The following MANEAL variants were observed in gnomAD, a reference collection of about 807,000 sequenced individuals.
The protein encoded by MANEAL is mannosidase endo-alpha like.
MANEAL carries 28 observed loss-of-function variants against 35.9 expected under a neutral mutation model. The observed-to-expected ratio is 0.78, with a 90% confidence interval of 0.58 to 1.07. The LOEUF (loss-of-function observed/expected upper bound fraction) is 1.07, where lower values mean the gene tolerates loss of function less well. Among genes scored for constraint, MANEAL ranks in the 50% least tolerant of loss-of-function variants. MANEAL has a pLI of 0.00. For missense variants in MANEAL, 576 were observed against 629.6 expected (o/e 0.91, Z 0.91); for synonymous variants, 286 against 272.2 (o/e 1.05, Z -0.50).
In MANEAL at chr1:37,795,705, G is replaced by A. The variant is rs780519004; in HGVS notation, c.551-32G>A. 3 of 1,613,796 alleles carry A rather than the reference G, an allele frequency of 1.9e-6. No homozygotes were observed. The East Asian group carries it at 6.7e-5, about 36-fold the overall frequency. On this transcript the variant is annotated intron_variant, in intron 1 of 3. Coordinates refer to ENST00000373045, the MANE Select transcript of MANEAL (RefSeq NM_001113482.2). ...ATCTCTGTTGAGGGGGGTACTGTGT[G>A]TCTCTGAAGTGGCCTCTGTGTTGCG...
Position 37,794,538 on chromosome 1 carries a change from AG to A in MANEAL, c.359del (p.Gly120AlafsTer56), listed in dbSNP as rs1380588711. ...YYSWYGSPRR[E>X]GHYIHWDHVM... Reference sequence around the variant, plus strand: ...TCGTGGTACGGGAGCCCGCGGCGCGAGGGCCACTACATTCACTGGGACCACG... The same window carrying A: ...TCGTGGTACGGGAGCCCGCGGCGCGAGGCCACTACATTCACTGGGACCACG... On this transcript the variant is annotated frameshift_variant, in exon 1 of 4. Coordinates refer to ENST00000373045, the MANE Select transcript of MANEAL (RefSeq NM_001113482.2). LOFTEE classifies it high-confidence loss of function. The surrounding 1 kb of genome is among the most constrained non-coding windows in gnomAD (Gnocchi z 5.7). The A allele has an allele frequency of 6.2e-7, 1 of 1,611,532 alleles. No homozygotes were observed. The highest frequency in any genetic ancestry group is 8.5e-7 in the Non-Finnish European group (1 of 1,179,574).
At chr1:37,795,220 TGTTGGGG>T (rs1646635156) in intron 1 of MANEAL, among the ~76,000 whole-genome samples, 1 of 151,994 alleles carries the variant, frequency 6.6e-6, no homozygotes, top group Non-Finnish European at 1.5e-5. Context: ...TTGGAGGTAG[TGTTGGGG>T]GTTTAGAGGC....
chr1:37,794,220 T>A lies in MANEAL; in HGVS notation c.38T>A (p.Phe13Tyr). 1 of 1,324,230 alleles carries A rather than the reference T, an allele frequency of 7.6e-7. No individual in the cohort carries two copies. The highest frequency in any genetic ancestry group is 1.5e-5 in the South Asian group (1 of 67,930). 82.0% of individuals were successfully genotyped at this position (1,324,230 alleles called of 1,614,324 possible). ...CGGCGCCGCGCCTGCATCGCTCTGT[T>A]CCTGGTGCTGCTCTTCGCCTTCGGC... ...RRRRRACIAL[F>Y]LVLLFAFGTL... The change falls in exon 1 of 4, where the codon TTC becomes TAC. Residue 13 changes from phenylalanine to tyrosine, a missense_variant. Physicochemically the swap from Phe to Tyr is conservative, Grantham distance 22. Coordinates refer to ENST00000373045, the MANE Select transcript of MANEAL (RefSeq NM_001113482.2). The surrounding 1 kb of genome is among the most constrained non-coding windows in gnomAD (Gnocchi z 5.7).
In MANEAL at chr1:37,794,500, C is replaced by T. The variant is rs373708930; in HGVS notation, c.318C>T (p.His106=). ...GCCTGCGCGTCTACTCGGACCTGCA[C>T]GCCTTCTACTACTCGTGGTACGGGA... ...VQSLRVYSDL[H]AFYYSWYGSP... The change falls in exon 1 of 4, where the codon CAC becomes CAT. Residue 106 remains histidine, a synonymous_variant. Coordinates refer to ENST00000373045, the MANE Select transcript of MANEAL (RefSeq NM_001113482.2). The surrounding 1 kb of genome is among the most constrained non-coding windows in gnomAD (Gnocchi z 5.7). The T allele has an allele frequency of 1.9e-6, 3 of 1,608,024 alleles. No homozygotes were observed. The highest frequency in any genetic ancestry group is 1.3e-5 in the African/African-American group (1 of 74,842).
intron 1 of MANEAL, among the ~76,000 whole-genome samples, chr1:37,795,028 G>A (rs1400663429): frequency 1.3e-5 from 2 of 152,198 alleles, no homozygotes; most frequent in Non-Finnish European, 2.9e-5. Context: ...CAAATTTGTT[G>A]GGCGATGGGA....
In MANEAL at chr1:37,800,389, G is replaced by A. The variant is rs912011425; in HGVS notation, c.*186G>A. 8 of 683,718 alleles carry A rather than the reference G, an allele frequency of 1.2e-5. No individual in the cohort carries two copies. The highest frequency in any genetic ancestry group is 9.0e-5 in the African/African-American group (5 of 55,382). 42.4% of individuals were successfully genotyped at this position (683,718 alleles called of 1,614,324 possible). A position where few individuals can be genotyped will look rare whatever the true frequency, so the allele number is the denominator to read the frequency against. On this transcript the variant is annotated 3_prime_UTR_variant, in exon 4 of 4. Transcript: ENST00000373045. ...AGAGCCCGTTCCTCAGGCGAGTGGT[G>A]CTGAGGTGCTCTGTGGTGATGGGAA...
chr1:37,795,389 A>G, intron 1 of MANEAL: 3 of 585,158 alleles, frequency 5.1e-6, no homozygotes, highest in South Asian at 8.3e-5. Flanking sequence ...GCGGGACGTT[A>G]GGGTTAGGGG....
chr1:37,793,960 C>T lies in MANEAL; in HGVS notation c.-223C>T. 5.9e-6 allele frequency: 1 copy of T among 169,814 alleles called. No homozygotes were observed. 10.5% of individuals were successfully genotyped at this position (169,814 alleles called of 1,614,324 possible). On this transcript the variant is annotated 5_prime_UTR_variant, in exon 1 of 4. Transcript: ENST00000373045. ...GAAACTCGCCGTTCGCTGGGCCTTG[C>T]GTTGCACTCGGCGTGCAGTTCCCCC...
Position 37,794,009 on chromosome 1 carries a change from C to T in MANEAL, c.-174C>T, listed in dbSNP as rs1425048137. ...CCTCGGCTCGCGGCCACTTGGTCCG[C>T]GCCGCCTGCGTCCTGTGTGCCGAGC... is the stretch of plus-strand genomic sequence containing the variant. On this transcript the variant is annotated 5_prime_UTR_variant, in exon 1 of 4. Transcript: ENST00000373045. This position sits in a 1 kb window ranked among gnomAD's most constrained non-coding sequence, Gnocchi z 5.7. The T allele has an allele frequency of 8.8e-6, 2 of 226,828 alleles. No individual in the cohort carries two copies. The highest frequency in any genetic ancestry group is 1.5e-5 in the Non-Finnish European group (2 of 130,918). 14.1% of individuals were successfully genotyped at this position (226,828 alleles called of 1,614,324 possible). A position where few individuals can be genotyped will look rare whatever the true frequency, so the allele number is the denominator to read the frequency against.
In MANEAL at chr1:37,794,491, G is replaced by C; in HGVS notation, c.309G>C (p.Ser103=). 6.2e-7 allele frequency: 1 copy of C among 1,604,442 alleles called. No individual in the cohort carries two copies. The highest frequency in any genetic ancestry group is 8.5e-7 in the Non-Finnish European group (1 of 1,176,730). ...PAPVQSLRVY[S]DLHAFYYSWY... is the part of the protein sequence containing the mutation. Reference sequence around the variant, plus strand: ...CCGTGCAGAGCCTGCGCGTCTACTCGGACCTGCACGCCTTCTACTACTCGT... The same window carrying C: ...CCGTGCAGAGCCTGCGCGTCTACTCCGACCTGCACGCCTTCTACTACTCGT... The change falls in exon 1 of 4, where the codon TCG becomes TCC. Residue 103 remains serine, a synonymous_variant. Transcript: ENST00000373045. This position sits in a 1 kb window ranked among gnomAD's most constrained non-coding sequence, Gnocchi z 5.7.
chr1:37,795,885 T>C (rs749171330), intron 2 of MANEAL, 39 bp downstream of exon 2: 4 of 1,568,648 alleles, frequency 2.5e-6, no homozygotes. Flanking sequence ...CTCTGCCCTA[T>C]TCTGGAGAGT....
chr1:37,794,300 C>T lies in MANEAL; in HGVS notation c.118C>T (p.Pro40Ser), dbSNP rs554207874. Reference sequence around the variant, plus strand: ...TCCGGACGGACTCCCGGCGCTGGGCCCGGGCCTGGAGCTGGCGCCCTTTGA... The same window carrying T: ...TCCGGACGGACTCCCGGCGCTGGGCTCGGGCCTGGAGCTGGCGCCCTTTGA... ...KAPDGLPALG[P>S]GLELAPFERR... is the part of the protein sequence containing the mutation. The change falls in exon 1 of 4, where the codon CCG becomes TCG. Residue 40 changes from proline (P) to serine (S), a missense_variant. Pro to Ser is a moderately conservative substitution (Grantham distance 74). Coordinates refer to ENST00000373045, the MANE Select transcript of MANEAL (RefSeq NM_001113482.2). The surrounding 1 kb of genome is among the most constrained non-coding windows in gnomAD (Gnocchi z 5.7). 2,269 of 1,212,326 alleles carry T rather than the reference C, an allele frequency of 1.9e-3. 46 individuals are homozygous for T. In the African/African-American group the frequency reaches 0.034, roughly 18 times the overall value. 75.1% of individuals were successfully genotyped at this position (1,212,326 alleles called of 1,614,324 possible).
Position 37,799,867 on chromosome 1 carries a change from T to C in MANEAL, c.1038T>C (p.Phe346=). Residue 346 remains phenylalanine (F), a synonymous_variant, in exon 4 of 4, where the codon TTT becomes TTC. Coordinates refer to ENST00000373045, the MANE Select transcript of MANEAL (RefSeq NM_001113482.2). The surrounding 1 kb of genome is among the most constrained non-coding windows in gnomAD (Gnocchi z 4.1). ...AGAACTGGAAAGCTGTGAAGAACTT[T>C]TGTGATGCCAACAACCTCATGTTCA... ...SHQNWKAVKN[F]CDANNLMFIP... is the part of the protein sequence containing the mutation. 6.2e-7 allele frequency: 1 copy of C among 1,614,240 alleles called. No individual in the cohort carries two copies. Among genetic ancestry groups the C allele is most frequent in the Non-Finnish European group, 8.5e-7 (1 of 1,180,032 alleles).
At position 37,799,856 on chromosome 1, in the gene MANEAL, G is replaced by A. The variant is rs766593881; in HGVS notation, c.1027G>A (p.Val343Met). The A allele has an allele frequency of 3.1e-6, 5 of 1,614,270 alleles. No individual in the cohort carries two copies. In the South Asian group the frequency reaches 5.5e-5, roughly 18 times the overall value. The stretch of plus-strand genomic sequence containing the variant: ...TTCTTCCCATCAGAACTGGAAAGCT[G>A]TGAAGAACTTTTGTGATGCCAACAA... The part of the protein sequence containing the change: ...FGSSHQNWKA[V>M]KNFCDANNLM... The change falls in exon 4 of 4, where the codon GTG (valine) becomes ATG (methionine). Residue 343 changes from valine (V) to methionine (M), a missense_variant. By Grantham distance (21) the Val-to-Met change is conservative. This residue lies in a region of MANEAL where 449 missense variants were observed against 516.1 expected (regional missense o/e 0.87). Transcript: ENST00000373045. The surrounding 1 kb of genome is among the most constrained non-coding windows in gnomAD (Gnocchi z 4.1).
In MANEAL at chr1:37,800,639, C is replaced by CAGA. The variant is rs1646690539; in HGVS notation, c.*436_*437insAGA. The CAGA allele has an allele frequency of 5.5e-6, 1 of 181,682 alleles. No homozygotes were observed. Among genetic ancestry groups the CAGA allele is most frequent in the Non-Finnish European group, 1.2e-5 (1 of 85,464 alleles). 11.3% of individuals were successfully genotyped at this position (181,682 alleles called of 1,614,324 possible). A position where few individuals can be genotyped will look rare whatever the true frequency, so the allele number is the denominator to read the frequency against. ...CAGGCCTCCTTCCCACATCATCTGT[C>CAGA]TTCTCTAAGTTAGGGAACCATATTT... On this transcript the variant is annotated 3_prime_UTR_variant, in exon 4 of 4. Coordinates refer to ENST00000373045, the MANE Select transcript of MANEAL (RefSeq NM_001113482.2).
At chr1:37,796,632 G>A in intron 2 of MANEAL, 112 bp from the exon 3 acceptor site, 7 of 1,018,236 alleles carry the variant, frequency 6.9e-6, no homozygotes, top group Non-Finnish European at 7.4e-6. Context: ...ACCACTGCCA[G>A]GCCCTCTTCT....
rs1042365243 is a variant in MANEAL, at chr1:37,794,130, T to G, written c.-53T>G. ...AAGCGCGCGGCCGGGCGGGCGGCCA[T>G]GGCGCGGCACGCTGGGAGGTAGCGC... On this transcript the variant is annotated 5_prime_UTR_variant, in exon 1 of 4. It removes an upstream start codon present in the reference 5' UTR. Coordinates refer to ENST00000373045, the MANE Select transcript of MANEAL (RefSeq NM_001113482.2). The surrounding 1 kb of genome is among the most constrained non-coding windows in gnomAD (Gnocchi z 5.7). 1 of 1,095,874 alleles carries G rather than the reference T, an allele frequency of 9.1e-7. No homozygotes were observed. The highest frequency in any genetic ancestry group is 1.1e-6 in the Non-Finnish European group (1 of 902,186). The allele number at this position is 1,095,874 out of a possible 1,614,324, so 67.9% of individuals were successfully genotyped here. A position where few individuals can be genotyped will look rare whatever the true frequency, so the allele number is the denominator to read the frequency against.
Position 37,794,767 on chromosome 1 carries a change from C to G in MANEAL, c.550+35C>G, listed in dbSNP as rs757654403. ...CCCCACCCCGGGCGGCCCTGCCCCC[C>G]AGCCTCACCCTTCCTCCTTCCCACA... On this transcript the variant is annotated intron_variant, in intron 1 of 3. Transcript: ENST00000373045. This position sits in a 1 kb window ranked among gnomAD's most constrained non-coding sequence, Gnocchi z 5.7. The G allele has an allele frequency of 2.2e-6, 3 of 1,371,056 alleles. No individual in the cohort carries two copies. The allele number at this position is 1,371,056 out of a possible 1,614,324, so 84.9% of individuals were successfully genotyped here.
rs187128065 is a variant in MANEAL at position 37,800,690 on chromosome 1, G to T, written c.*487G>T. On this transcript the variant is annotated 3_prime_UTR_variant, in exon 4 of 4. Transcript: ENST00000373045. ...GAGACTTTCAAAAAGGGAACTTCTA[G>T]GTTTAAGCTCCTCCCAGTAGATTCC... 6 of 169,230 alleles carry T rather than the reference G, an allele frequency of 3.5e-5. No homozygotes were observed. The East Asian group carries it at 9.3e-4, about 26-fold the overall frequency. The allele number at this position is 169,230 out of a possible 1,614,324, so 10.5% of individuals were successfully genotyped here. A position where few individuals can be genotyped will look rare whatever the true frequency, so the allele number is the denominator to read the frequency against.
Sources: gnomAD v4.1 joint callset for allele counts (sites outside exome capture counted in the v4.1 genomes callset) on GRCh38, gnomAD v4.1.1 for gene constraint, gnomAD v4.1.1 regional missense constraint, Gnocchi (gnomAD v3.1) non-coding constraint, MANE v1.5 for transcripts, NCBI Gene and HGNC (gene_info 2026-07-23, HGNC 2026-07-21) for gene names.